Variants in DNAH8 observed in about 807,000 individuals in gnomAD.
DNAH8 encodes the protein axonemal beta dynein heavy chain 8.
In DNAH8, 382 loss-of-function variants were observed where a neutral mutation model predicts 562.1. That is an observed-to-expected ratio of 0.68 (90% CI 0.63 to 0.74). The LOEUF is 0.74. DNAH8 is among the 30% of genes least tolerant of loss of function. DNAH8 has a pLI of 0.00. For synonymous variants in DNAH8, 1,881 were observed against 1,919.4 expected (o/e 0.98, Z 0.52); for missense variants, 5,203 against 5,620.4 (o/e 0.93, Z 2.37).
At position 38,722,784 on chromosome 6, in the gene DNAH8, G is replaced by C. The variant is rs779173261; in HGVS notation, c.-26G>C. 6.5e-7 allele frequency: 1 copy of C among 1,547,008 alleles called. No homozygotes were observed. Among genetic ancestry groups the C allele is most frequent in the South Asian group, 1.2e-5 (1 of 80,984 alleles). ...CTATGTTATAATTCTAGGTTTCGAA[G>C]TATAAAGCATTCCGCACGACGGGGG... On this transcript the variant is annotated 5_prime_UTR_variant, in exon 2 of 93. Transcript: ENST00000327475.
intron 17 of DNAH8, among the ~76,000 whole-genome samples, chr6:38,783,779 C>G (rs1337936939): frequency 6.6e-6 from 1 of 152,116 alleles, no homozygotes; most frequent in East Asian, 1.9e-4. Context: ...CCTGCTTTGT[C>G]TCATCTTAAC....
chr6:38,782,356 C>G (rs1321424855), intron 16 of DNAH8, among the ~76,000 whole-genome samples: 1 of 152,062 alleles, frequency 6.6e-6, no homozygotes, highest in African/African-American at 2.4e-5. Context: ...TCTCGGCTCA[C>G]TGCAACCTCC....
At position 38,896,013 on chromosome 6, in the gene DNAH8, C is replaced by A; in HGVS notation, c.8748-20C>A. On this transcript the variant is annotated intron_variant, in intron 59 of 92. Coordinates refer to ENST00000327475, the MANE Select transcript of DNAH8 (RefSeq NM_001206927.2). ...GATGCTTTCATATTTAACATTCTTACTACTACATTTTCCTTTCAGATTTAT... is the reference window on the plus strand; with the variant it reads ...GATGCTTTCATATTTAACATTCTTAATACTACATTTTCCTTTCAGATTTAT... 4 of 1,598,154 alleles carry A rather than the reference C, an allele frequency of 2.5e-6. No individual in the cohort carries two copies. In the African/African-American group the frequency reaches 4.0e-5, roughly 16 times the overall value.
At chr6:38,812,540 C>T (rs1159201799) in intron 24 of DNAH8, among the ~76,000 whole-genome samples, 2 of 152,172 alleles carry the variant, frequency 1.3e-5, no homozygotes, top group African/African-American at 2.4e-5. Context: ...AGAGGCTGCT[C>T]CATTGGCTTC....
intron 5 of DNAH8, 22 bp from the exon 6 acceptor site, chr6:38,737,045 C>A: frequency 6.7e-7 from 1 of 1,492,912 alleles, no homozygotes; most frequent in East Asian, 2.5e-5. Flanking sequence ...TGTAAAATAA[C>A]ATTTAAACTC....
At chr6:38,745,904 G>A (rs558666187) in intron 8 of DNAH8, among the ~76,000 whole-genome samples, 3 of 152,234 alleles carry the variant, frequency 2.0e-5, no homozygotes, top group East Asian at 1.9e-4. Flanking sequence ...CTTACCAGGC[G>A]GTCCATTATA....
intron 63 of DNAH8, among the ~76,000 whole-genome samples, chr6:38,907,461 C>G (rs1187212461): frequency 6.6e-6 from 1 of 152,170 alleles, no homozygotes; most frequent in African/African-American, 2.4e-5. Flanking sequence ...TGCAAAACAA[C>G]CTTATCAATT....
At chr6:38,733,738 C>G (rs1763844612) in intron 4 of DNAH8, among the ~76,000 whole-genome samples, 1 of 150,628 alleles carries the variant, frequency 6.6e-6, no homozygotes. Flanking sequence ...TGGTAAAACC[C>G]TGTCTCTACT....
Position 38,810,408 on chromosome 6 carries a change from A to G in DNAH8, c.3257+2692A>G, listed in dbSNP as rs149320962. On this transcript the variant is annotated intron_variant, in intron 24 of 92. Coordinates refer to ENST00000327475, the MANE Select transcript of DNAH8 (RefSeq NM_001206927.2). ...GGAGTTTGAGACCAGCGTGACCAAC[A>G]TGGTGAAACTCTGTCTCTACTAAAA... Among the ~76,000 whole-genome samples, 736 of 152,260 alleles carry G rather than the reference A, an allele frequency of 4.8e-3. 10 individuals carry two copies. Among genetic ancestry groups the G allele is most frequent in the African/African-American group, 0.017 (712 of 41,550 alleles).
intron 1 of DNAH8, among the ~76,000 whole-genome samples, chr6:38,720,935 T>C (rs9470922): frequency 0.36 from 55,083 of 152,024 alleles, 10,680 homozygotes; most frequent in Non-Finnish European, 0.43. Context: ...GAAAGAGATT[T>C]GCTGAGCTAA....
In DNAH8 at chr6:38,917,908, A is replaced by T. The variant is rs1246194470; in HGVS notation, c.10309-17A>T. ...TATTTTCTTCCAGAACTTACAGGTTATAATACTATTTTTCAGTTGATGAGT... is the reference window on the plus strand; with the variant it reads ...TATTTTCTTCCAGAACTTACAGGTTTTAATACTATTTTTCAGTTGATGAGT... On this transcript the variant is annotated splice_polypyrimidine_tract_variant and intron_variant, in intron 69 of 92. Transcript: ENST00000327475. 1 of 1,585,672 alleles carries T rather than the reference A, an allele frequency of 6.3e-7. No individual in the cohort carries two copies. Among genetic ancestry groups the T allele is most frequent in the South Asian group, 1.1e-5 (1 of 88,784 alleles).
At chr6:38,862,829 G>T (rs528439488) in intron 44 of DNAH8, among the ~76,000 whole-genome samples, 1 of 152,262 alleles carries the variant, frequency 6.6e-6, no homozygotes, top group South Asian at 2.1e-4. Flanking sequence ...AATAAGAAGG[G>T]GGTGGCCATC....
At chr6:38,738,017 T>C in intron 7 of DNAH8, 45 bp downstream of exon 7, 1 of 1,576,784 alleles carries the variant, frequency 6.3e-7, no homozygotes, top group Non-Finnish European at 8.7e-7. Flanking sequence ...AGTTTTCATG[T>C]GCATCCTAGC....
chr6:38,844,110 C>T (rs1304892266), intron 35 of DNAH8, among the ~76,000 whole-genome samples: 1 of 152,110 alleles, frequency 6.6e-6, no homozygotes, highest in Admixed American at 6.5e-5. Context: ...TTTTCAGCCT[C>T]CTTCCATGAA....
intron 88 of DNAH8, 45 bp downstream of exon 88, chr6:38,990,217 C>G (rs764033205): frequency 1.8e-5 from 24 of 1,338,738 alleles, no homozygotes; most frequent in Non-Finnish European, 1.1e-5. Context: ...ATTTGTAACT[C>G]AGTCTGGCAA....
chr6:38,855,636 T>G (rs1253550756), intron 41 of DNAH8, among the ~76,000 whole-genome samples: 1 of 152,200 alleles, frequency 6.6e-6, no homozygotes, highest in East Asian at 1.9e-4. Context: ...CATTTCTTTG[T>G]GTTGGGAACA....
chr6:38,929,803 A>G (rs915000907), intron 75 of DNAH8, 137 bp downstream of exon 75: 12 of 765,754 alleles, frequency 1.6e-5, no homozygotes, highest in Admixed American at 3.6e-5. Flanking sequence ...AGCAAATGCA[A>G]TTTCCTTTAG....
At chr6:39,005,475 G>A (rs1220391284) in intron 88 of DNAH8, among the ~76,000 whole-genome samples, 1 of 152,090 alleles carries the variant, frequency 6.6e-6, no homozygotes, top group Non-Finnish European at 1.5e-5. Context: ...GAAGGTTCAG[G>A]TTTCTCCACA....
chr6:38,728,194 T>C (rs1763379780), intron 3 of DNAH8, among the ~76,000 whole-genome samples: 1 of 152,102 alleles, frequency 6.6e-6, no homozygotes, highest in Non-Finnish European at 1.5e-5. Flanking sequence ...TCTTGAACTC[T>C]TGGGCTCAAG....
Sources: allele counts gnomAD v4.1 joint callset (sites outside exome capture counted in the v4.1 genomes callset), GRCh38; gene constraint gnomAD v4.1.1; transcripts MANE v1.5; gene names NCBI Gene and HGNC (gene_info 2026-07-23, HGNC 2026-07-21).